The following ROR1 variants were observed in gnomAD, a reference collection of about 807,000 sequenced individuals.
The protein encoded by ROR1 is ROR family WNT receptor 1.
A neutral mutation model predicts 78.8 loss-of-function variants in ROR1; 19 were observed. The observed-to-expected ratio is 0.24, with a 90% CI of 0.17 to 0.35. The LOEUF (loss-of-function observed/expected upper bound fraction) is 0.35, where lower values mean the gene tolerates loss of function less well. ROR1 is among the 10% of genes least tolerant of loss of function. The pLI is 1.00. For missense variants in ROR1, 917 were observed against 1,177.8 expected (o/e 0.78, Z 3.24); for synonymous variants, 386 against 433.6 (o/e 0.89, Z 1.36).
At chr1:63,835,310 A>C (rs1481058104) in intron 1 of ROR1, among the ~76,000 whole-genome samples, 1 of 152,172 alleles carries the variant, frequency 6.6e-6, no homozygotes, top group Non-Finnish European at 1.5e-5. Flanking sequence ...CCAGACACAG[A>C]GAAAGCCTTC....
chr1:64,078,045 C>T (rs1647067132), intron 4 of ROR1, among the ~76,000 whole-genome samples: 1 of 152,128 alleles, frequency 6.6e-6, no homozygotes, highest in Non-Finnish European at 1.5e-5. Context: ...TATCTGGACA[C>T]TATAACAAAA....
intron 1 of ROR1, chr1:63,788,953 G>T: frequency 1.4e-6 from 1 of 711,360 alleles, no homozygotes; most frequent in Non-Finnish European, 2.5e-6. Context: ...TGATACATGA[G>T]GTGATCAATC....
chr1:63,925,347 C>T (rs1179031401), intron 1 of ROR1, among the ~76,000 whole-genome samples: 5 of 149,788 alleles, frequency 3.3e-5, no homozygotes, highest in Admixed American at 2.0e-4. Flanking sequence ...ATGAACTCAT[C>T]ATTTTTTATG....
chr1:64,118,385 T>C (rs1220990812), intron 4 of ROR1, among the ~76,000 whole-genome samples: 1 of 151,742 alleles, frequency 6.6e-6, no homozygotes, highest in Non-Finnish European at 1.5e-5. Context: ...TCCCAGCACT[T>C]TGGGAGGCCG....
intron 1 of ROR1, among the ~76,000 whole-genome samples, chr1:63,881,144 A>G (rs767644894): frequency 2.0e-5 from 3 of 152,326 alleles, no homozygotes; most frequent in Non-Finnish European, 4.4e-5. Flanking sequence ...TGACCTTTAC[A>G]TAAGCACAGC....
intron 8 of ROR1, among the ~76,000 whole-genome samples, chr1:64,164,310 C>T (rs1393511534): frequency 6.6e-6 from 1 of 152,198 alleles, no homozygotes; most frequent in Non-Finnish European, 1.5e-5. Flanking sequence ...TCCAGCCACA[C>T]TTTTCTCTTA....
At chr1:63,839,345 CATCTATCTATCT>C (rs36224861) in intron 1 of ROR1, among the ~76,000 whole-genome samples, 15,411 of 147,090 alleles carry the variant, frequency 0.1, 849 homozygotes, top group Middle Eastern at 0.13. Context: ...GTCTCCATAT[CATCTATCTATCT>C]ATCTATCTAT....
At position 64,009,289 on chromosome 1, in the gene ROR1, T is replaced by C. The variant is rs748115171; in HGVS notation, c.92-16T>C. ...ATTGCCCTTGTCTTTCTCCCTTCCC[T>C]TCTTTTTCTTTTCAGAAACAGAGCT... On this transcript the variant is annotated splice_polypyrimidine_tract_variant and intron_variant, in intron 1 of 8. Coordinates refer to ENST00000371079, the MANE Select transcript of ROR1 (RefSeq NM_005012.4). The C allele has an allele frequency of 1.9e-6, 3 of 1,594,504 alleles. No homozygotes were observed. Among genetic ancestry groups the C allele is most frequent in the South Asian group, 2.2e-5 (2 of 90,676 alleles).
intron 1 of ROR1, among the ~76,000 whole-genome samples, chr1:63,793,229 T>A (rs1276041388): frequency 6.6e-6 from 1 of 152,244 alleles, no homozygotes; most frequent in East Asian, 1.9e-4. Context: ...AACTTCATAA[T>A]TGATGGTGAG....
At chr1:64,114,787 C>G (rs1648251354) in intron 4 of ROR1, among the ~76,000 whole-genome samples, 1 of 152,154 alleles carries the variant, frequency 6.6e-6, no homozygotes, top group African/African-American at 2.4e-5. Context: ...ATGAATCAGC[C>G]TTATCTTGTC....
chr1:63,906,426 T>C (rs1032186521), intron 1 of ROR1, among the ~76,000 whole-genome samples: 4 of 152,240 alleles, frequency 2.6e-5, no homozygotes, highest in African/African-American at 9.6e-5. Flanking sequence ...TGCCTGCGAA[T>C]GACCTTTCCA....
intron 1 of ROR1, among the ~76,000 whole-genome samples, chr1:63,989,150 T>G (rs998502719): frequency 1.3e-5 from 2 of 151,690 alleles, no homozygotes; most frequent in African/African-American, 4.8e-5. Flanking sequence ...TTGCCAACAC[T>G]TGTCATTTTC....
intron 4 of ROR1, among the ~76,000 whole-genome samples, chr1:64,128,946 C>G (rs1167518782): frequency 6.6e-6 from 1 of 152,092 alleles, no homozygotes; most frequent in African/African-American, 2.4e-5. Flanking sequence ...AGGAACAGGA[C>G]AAATCTGTGC....
chr1:63,968,469 G>GT (rs56388192), intron 1 of ROR1, among the ~76,000 whole-genome samples: 44,620 of 150,508 alleles, frequency 0.3, 9,123 homozygotes, highest in African/African-American at 0.59. Flanking sequence ...TTCTCTTTCT[G>GT]TTTTTTTTTA....
chr1:64,163,473 A>C (rs1232473059), intron 8 of ROR1, among the ~76,000 whole-genome samples: 1 of 152,262 alleles, frequency 6.6e-6, no homozygotes, highest in East Asian at 1.9e-4. Flanking sequence ...GAGTCAAGGC[A>C]GGCCAGGGGT....
chr1:63,910,197 A>T (rs1645560050), intron 1 of ROR1, among the ~76,000 whole-genome samples: 1 of 152,152 alleles, frequency 6.6e-6, no homozygotes, highest in African/African-American at 2.4e-5. Context: ...TTGAATGATG[A>T]GGTGGTTGGT....
At chr1:64,116,221 T>C (rs192827143) in intron 4 of ROR1, among the ~76,000 whole-genome samples, 1 of 152,302 alleles carries the variant, frequency 6.6e-6, no homozygotes, top group East Asian at 1.9e-4. Flanking sequence ...GATGGCTGTG[T>C]CTCATATCTC....
intron 1 of ROR1, among the ~76,000 whole-genome samples, chr1:63,972,250 C>T (rs1376484754): frequency 1.3e-5 from 2 of 152,146 alleles, no homozygotes; most frequent in Non-Finnish European, 1.5e-5. Flanking sequence ...CTTAAAACAG[C>T]CCCATGAGGA....
chr1:63,923,995 T>C (rs965387003), intron 1 of ROR1, among the ~76,000 whole-genome samples: 1 of 151,932 alleles, frequency 6.6e-6, no homozygotes, highest in Admixed American at 6.6e-5. Flanking sequence ...GCTGGAAATT[T>C]TGTAGCTCTA....
Sources: gnomAD v4.1 joint callset for allele counts (sites outside exome capture counted in the v4.1 genomes callset) on GRCh38, gnomAD v4.1.1 for gene constraint, MANE v1.5 for transcripts, NCBI Gene and HGNC (gene_info 2026-07-23, HGNC 2026-07-21) for gene names.